The following NKAIN3 variants were observed in gnomAD, a reference collection of about 807,000 sequenced individuals.
NKAIN3 encodes the protein sodium/potassium-transporting ATPase subunit beta-1-interacting protein 3.
A neutral mutation model predicts 30.2 loss-of-function variants in NKAIN3; 25 were observed. The observed-to-expected ratio is 0.83, with a 90% CI of 0.60 to 1.16. The LOEUF (loss-of-function observed/expected upper bound fraction) is 1.16. NKAIN3 is among the 50% of genes most tolerant of loss of function. The pLI is 0.00. For missense variants in NKAIN3, 225 were observed against 254.1 expected (o/e 0.89, Z 0.78); for synonymous variants, 91 against 89.6 (o/e 1.02, Z -0.09).
At chr8:62,887,956 G>C (rs1821195930) in intron 4 of NKAIN3, among the ~76,000 whole-genome samples, 1 of 152,118 alleles carries the variant, frequency 6.6e-6, no homozygotes, top group African/African-American at 2.4e-5. Flanking sequence ...ATTGTTTTCT[G>C]ATAGCTGGAC....
At chr8:62,846,390 T>G (rs1231222201) in intron 4 of NKAIN3, among the ~76,000 whole-genome samples, 1 of 152,142 alleles carries the variant, frequency 6.6e-6, no homozygotes, top group Non-Finnish European at 1.5e-5. Flanking sequence ...GGTAAACATG[T>G]GCCATGATGG....
At chr8:62,448,465 T>G (rs2129598693) in intron 1 of NKAIN3, among the ~76,000 whole-genome samples, 1 of 127,486 alleles carries the variant, frequency 7.8e-6, no homozygotes, top group South Asian at 2.8e-4. Flanking sequence ...ATTGTAGAGC[T>G]TCTAGAAAAT....
chr8:62,876,916 A>G (rs574206597), intron 4 of NKAIN3, among the ~76,000 whole-genome samples: 8 of 152,126 alleles, frequency 5.3e-5, no homozygotes, highest in Middle Eastern at 3.4e-3. Context: ...CTGCACATGT[A>G]TCCCGTGTTT....
chr8:62,603,002 T>A (rs2130155002), intron 3 of NKAIN3, among the ~76,000 whole-genome samples: 1 of 152,300 alleles, frequency 6.6e-6, no homozygotes, highest in East Asian at 1.9e-4. Flanking sequence ...GAAACCACAC[T>A]TTTATAGCTT....
At chr8:62,351,564 G>T (rs1816180804) in intron 1 of NKAIN3, among the ~76,000 whole-genome samples, 1 of 150,520 alleles carries the variant, frequency 6.6e-6, no homozygotes. Context: ...TATATAATAA[G>T]AATACATATG....
intron 3 of NKAIN3, among the ~76,000 whole-genome samples, chr8:62,630,279 C>T (rs1013996681): frequency 6.6e-6 from 1 of 152,050 alleles, no homozygotes; most frequent in East Asian, 1.9e-4. Context: ...ATTGTTTGAG[C>T]AAGAAGTAGA....
At chr8:62,541,842 G>A (rs1808855658) in intron 1 of NKAIN3, among the ~76,000 whole-genome samples, 1 of 151,954 alleles carries the variant, frequency 6.6e-6, no homozygotes, top group East Asian at 1.9e-4. Context: ...AATTATTGTT[G>A]AACTTTTTTC....
chr8:62,771,368 A>C lies in NKAIN3; in HGVS notation c.471+24239A>C, dbSNP rs373683928. ...AGAGATTTTTAAATGGATATTTTAT[A>C]ATTGAAAATTACAATAAATTGAAAT... On this transcript the variant is annotated intron_variant, in intron 4 of 6. Transcript: ENST00000623646. Among the ~76,000 whole-genome samples, 11 of 152,302 alleles carry C rather than the reference A, an allele frequency of 7.2e-5. No individual in the cohort carries two copies. The East Asian group carries it at 1.5e-3, about 21-fold the overall frequency.
intron 1 of NKAIN3, among the ~76,000 whole-genome samples, chr8:62,357,577 A>G (rs910476099): frequency 2.6e-5 from 4 of 152,174 alleles, no homozygotes; most frequent in Non-Finnish European, 4.4e-5. Flanking sequence ...TCCTAAATGA[A>G]ATTTTTTTTG....
intron 4 of NKAIN3, among the ~76,000 whole-genome samples, chr8:62,809,996 C>T (rs534481180): frequency 1.1e-4 from 17 of 152,176 alleles, no homozygotes; most frequent in South Asian, 8.3e-4. Flanking sequence ...ATTTAAGAAT[C>T]GCATGGTTTA....
chr8:62,818,578 A>G (rs567101188), intron 4 of NKAIN3, among the ~76,000 whole-genome samples: 50 of 152,168 alleles, frequency 3.3e-4, no homozygotes, highest in African/African-American at 1.1e-3. Flanking sequence ...CACATAGCAA[A>G]TTCTTTTGAA....
At chr8:62,872,418 A>G (rs1263561815) in intron 4 of NKAIN3, among the ~76,000 whole-genome samples, 28 of 152,174 alleles carry the variant, frequency 1.8e-4, no homozygotes, top group Admixed American at 1.8e-3. Context: ...AGATAAGGAG[A>G]TCCCAGTAAC....
At chr8:62,876,548 G>T (rs1398159954) in intron 4 of NKAIN3, among the ~76,000 whole-genome samples, 1 of 152,134 alleles carries the variant, frequency 6.6e-6, no homozygotes, top group Non-Finnish European at 1.5e-5. Context: ...CAATAGCAAA[G>T]ACATGGAAAC....
intron 5 of NKAIN3, among the ~76,000 whole-genome samples, chr8:62,944,003 TA>T (rs1450118713): frequency 3.3e-5 from 5 of 151,790 alleles, no homozygotes; most frequent in African/African-American, 9.7e-5. Context: ...CTTTGGGGAA[TA>T]GGGGGAAGGG....
intron 2 of NKAIN3, among the ~76,000 whole-genome samples, chr8:62,584,757 A>G (rs1452639865): frequency 6.6e-6 from 1 of 152,212 alleles, no homozygotes; most frequent in Non-Finnish European, 1.5e-5. Context: ...GCCTTGCCTG[A>G]CCACTGAATG....
At chr8:62,545,240 T>G (rs1291020814) in intron 1 of NKAIN3, among the ~76,000 whole-genome samples, 2 of 152,216 alleles carry the variant, frequency 1.3e-5, no homozygotes, top group African/African-American at 2.4e-5. Flanking sequence ...AATACAATTA[T>G]AGCATACATC....
At chr8:62,840,200 T>G (rs1819490603) in intron 4 of NKAIN3, among the ~76,000 whole-genome samples, 1 of 152,086 alleles carries the variant, frequency 6.6e-6, no homozygotes. Context: ...TACATTATCC[T>G]CCTACTGCTA....
Position 62,498,738 on chromosome 8 carries a change from T to G in NKAIN3, c.55-80801T>G, listed in dbSNP as rs376197138. Among the ~76,000 whole-genome samples, 5 of 151,228 alleles carry G rather than the reference T, an allele frequency of 3.3e-5. No homozygotes were observed. In the East Asian group the frequency reaches 9.8e-4, roughly 30 times the overall value. The stretch of plus-strand genomic sequence containing the variant: ...TCTTTTTTTTTTTTTCCATTCAGCC[T>G]GTATTGCTATATAGTAGGACTTGGG... On this transcript the variant is annotated intron_variant, in intron 1 of 6. Transcript: ENST00000623646.
intron 3 of NKAIN3, among the ~76,000 whole-genome samples, chr8:62,675,268 A>G (rs1003181404): frequency 6.6e-6 from 1 of 152,204 alleles, no homozygotes; most frequent in African/African-American, 2.4e-5. Flanking sequence ...TGTCAATTCA[A>G]TTACATTGCC....
Sources: gnomAD v4.1 joint callset for allele counts (sites outside exome capture counted in the v4.1 genomes callset) on GRCh38, gnomAD v4.1.1 for gene constraint, MANE v1.5 for transcripts, NCBI Gene and HGNC (gene_info 2026-07-23, HGNC 2026-07-21) for gene names.